Variants in ZMAT4 observed in about 807,000 individuals in gnomAD.
ZMAT4 encodes the protein zinc finger matrin-type protein 4.
In ZMAT4, 17 loss-of-function variants were observed where a neutral mutation model predicts 28.7. The ratio of observed to expected loss-of-function variants is 0.59; its 90% CI spans 0.41 to 0.89. ZMAT4 has a LOEUF of 0.89. Among genes scored for constraint, ZMAT4 ranks in the 40% least tolerant of loss-of-function variants. ZMAT4 has a pLI of 0.00. For synonymous variants in ZMAT4, 117 were observed against 109.2 expected (o/e 1.07, Z -0.44); for missense variants, 240 against 283.8 (o/e 0.85, Z 1.11).
rs1045503155 is a variant in ZMAT4, at chr8:40,651,431, T to C, written c.577+23273A>G. On this transcript the variant is annotated intron_variant, in intron 5 of 6. Transcript: ENST00000297737. ...CACTGCTCAAGGAAATAAAAGAGGA[T>C]ACAAACAAATGGAAGAACATTCCAT... is the stretch of plus-strand genomic sequence containing the variant. Among the ~76,000 whole-genome samples, 12 of 151,332 alleles carry C rather than the reference T, an allele frequency of 7.9e-5. No homozygotes were observed. The East Asian group carries it at 1.2e-3, about 15-fold the overall frequency.
rs1563263705 is a variant in ZMAT4 at position 40,881,532 on chromosome 8, A to AAGAAAGAAAGAAAGAAAG, written c.-5+16133_-5+16150dup. Among the ~76,000 whole-genome samples, 36 of 26,820 alleles carry AAGAAAGAAAGAAAGAAAG rather than the reference A, an allele frequency of 1.3e-3. 1 individual carries two copies. Among genetic ancestry groups the AAGAAAGAAAGAAAGAAAG allele is most frequent in the South Asian group, 6.1e-3 (3 of 490 alleles). The allele number at this position is 26,820 out of a possible 152,430, so 17.6% of individuals were successfully genotyped here. A position where few individuals can be genotyped will look rare whatever the true frequency, so the allele number is the denominator to read the frequency against. The stretch of plus-strand genomic sequence containing the variant: ...AAGGAAGGGGAGAGAGAGAGACAGA[A>AAGAAAGAAAGAAAGAAAG]AGAAAGAAAGAAAGAAAGAAAGAAA... On this transcript the variant is annotated intron_variant, in intron 1 of 6. Transcript: ENST00000297737.
intron 1 of ZMAT4, among the ~76,000 whole-genome samples, chr8:40,874,972 C>T (rs941546381): frequency 2.0e-5 from 3 of 152,198 alleles, no homozygotes; most frequent in African/African-American, 2.4e-5. Flanking sequence ...TCCAGAATGT[C>T]AGGGAAGGGC....
intron 5 of ZMAT4, among the ~76,000 whole-genome samples, chr8:40,634,761 G>T (rs1806728658): frequency 6.6e-6 from 1 of 152,072 alleles, no homozygotes; most frequent in South Asian, 2.1e-4. Context: ...AAAAAAACAA[G>T]CAAACGCCAA....
intron 5 of ZMAT4, among the ~76,000 whole-genome samples, chr8:40,622,780 A>G (rs1806245364): frequency 1.3e-5 from 2 of 152,154 alleles, no homozygotes; most frequent in African/African-American, 2.4e-5. Context: ...TCTCACTGGA[A>G]CTAACAAGAG....
intron 3 of ZMAT4, among the ~76,000 whole-genome samples, chr8:40,740,371 T>C (rs1403690021): frequency 6.6e-6 from 1 of 152,240 alleles, no homozygotes; most frequent in African/African-American, 2.4e-5. Flanking sequence ...GGTTTTGATT[T>C]GCACAAAATA....
At chr8:40,688,012 T>C (rs79320188) in intron 4 of ZMAT4, among the ~76,000 whole-genome samples, 5,585 of 152,196 alleles carry the variant, frequency 0.037, 160 homozygotes, top group Non-Finnish European at 0.053. Flanking sequence ...GATTTCTAAG[T>C]CTTGAGGATT....
chr8:40,740,108 T>C (rs1811937504), intron 3 of ZMAT4, among the ~76,000 whole-genome samples: 1 of 152,212 alleles, frequency 6.6e-6, no homozygotes, highest in South Asian at 2.1e-4. Flanking sequence ...TAAACATTCA[T>C]GTGCATGTGT....
At chr8:40,755,910 G>T (rs935851293) in intron 3 of ZMAT4, among the ~76,000 whole-genome samples, 2 of 152,106 alleles carry the variant, frequency 1.3e-5, no homozygotes, top group Admixed American at 1.3e-4. Flanking sequence ...TCTGACTTGA[G>T]CCAGTGTGGC....
intron 1 of ZMAT4, among the ~76,000 whole-genome samples, chr8:40,869,176 G>A (rs1192989001): frequency 6.6e-6 from 1 of 152,234 alleles, no homozygotes; most frequent in Non-Finnish European, 1.5e-5. Flanking sequence ...ATATAAATAT[G>A]AGCCATGCTT....
chr8:40,828,361 G>A (rs1402211117), intron 1 of ZMAT4, among the ~76,000 whole-genome samples: 4 of 152,002 alleles, frequency 2.6e-5, no homozygotes, highest in Non-Finnish European at 5.9e-5. Flanking sequence ...ATAGATTCAC[G>A]GATGACCTGG....
At chr8:40,552,778 G>A (rs377191386) in intron 6 of ZMAT4, among the ~76,000 whole-genome samples, 183 of 152,204 alleles carry the variant, frequency 1.2e-3, no homozygotes, top group African/African-American at 3.1e-3. Flanking sequence ...TGACTATAGC[G>A]CAATGTAGTA....
At chr8:40,659,063 G>A (rs938371411) in intron 5 of ZMAT4, among the ~76,000 whole-genome samples, 1 of 152,082 alleles carries the variant, frequency 6.6e-6, no homozygotes, top group African/African-American at 2.4e-5. Flanking sequence ...CATTCGCATG[G>A]TAACCACACT....
intron 5 of ZMAT4, among the ~76,000 whole-genome samples, chr8:40,595,203 C>G (rs374846292): frequency 1.2e-4 from 19 of 152,096 alleles, no homozygotes; most frequent in African/African-American, 4.6e-4. Flanking sequence ...GCCATTTGTG[C>G]TCTAGGGTTG....
intron 5 of ZMAT4, among the ~76,000 whole-genome samples, chr8:40,591,860 A>G (rs1278598210): frequency 2.0e-5 from 3 of 152,186 alleles, no homozygotes; most frequent in Non-Finnish European, 4.4e-5. Context: ...TACAGATGAG[A>G]AAACCATGGT....
At chr8:40,746,509 G>A (rs987320893) in intron 3 of ZMAT4, among the ~76,000 whole-genome samples, 8 of 151,464 alleles carry the variant, frequency 5.3e-5, no homozygotes, top group East Asian at 1.9e-4. Context: ...GACTATAAGC[G>A]CATATCACCA....
chr8:40,764,962 G>A (rs1006964324), intron 3 of ZMAT4, among the ~76,000 whole-genome samples: 15 of 151,826 alleles, frequency 9.9e-5, no homozygotes, highest in Non-Finnish European at 1.9e-4. Flanking sequence ...CTCCTGAGGA[G>A]CGGGGTCTAT....
At chr8:40,819,218 G>A (rs1226204182) in intron 2 of ZMAT4, among the ~76,000 whole-genome samples, 2 of 152,022 alleles carry the variant, frequency 1.3e-5, no homozygotes, top group South Asian at 2.1e-4. Context: ...CCATTCCCAG[G>A]TGGGCTAAAA....
intron 1 of ZMAT4, among the ~76,000 whole-genome samples, chr8:40,834,611 C>T (rs772188013): frequency 3.3e-5 from 5 of 152,114 alleles, no homozygotes; most frequent in African/African-American, 1.2e-4. Flanking sequence ...TCTGATCTCA[C>T]GGGAAAGGTT....
chr8:40,856,052 C>A (rs563424687), intron 1 of ZMAT4, among the ~76,000 whole-genome samples: 3 of 152,040 alleles, frequency 2.0e-5, no homozygotes, highest in Non-Finnish European at 2.9e-5. Flanking sequence ...ACCCTCCCCC[C>A]GGTAGGGAAT....
Sources: gnomAD v4.1 joint callset for allele counts (sites outside exome capture counted in the v4.1 genomes callset) on GRCh38, gnomAD v4.1.1 for gene constraint, MANE v1.5 for transcripts, NCBI Gene and HGNC (gene_info 2026-07-23, HGNC 2026-07-21) for gene names.